TTC34: variants seen among roughly 807,000 people sequenced by gnomAD.
TTC34 encodes the protein tetratricopeptide repeat domain 34.
Under a neutral mutation model 40.7 loss-of-function variants are expected in TTC34, and 44 were observed. That is an observed-to-expected ratio of 1.08 (90% confidence interval 0.85 to 1.39). The LOEUF is 1.39. Ranked by LOEUF, TTC34 falls within the 40% of genes most tolerant of loss-of-function variation. TTC34 has a pLI of 0.00. For synonymous variants in TTC34, 422 were observed against 398.6 expected (o/e 1.06, Z -0.70); for missense variants, 884 against 838.0 (o/e 1.05, Z -0.68).
intron 6 of TTC34, among the ~76,000 whole-genome samples, chr1:2,649,681 AG>A (rs2100209004): frequency 6.6e-6 from 1 of 152,294 alleles, no homozygotes; most frequent in South Asian, 2.1e-4. Context: ...CTGCGACTAC[AG>A]GCTGATTTTT....
chr1:2,644,553 G>A (rs1638980797), intron 7 of TTC34, 75 bp from the exon 8 acceptor site: 6 of 1,403,810 alleles, frequency 4.3e-6, no homozygotes, highest in Non-Finnish European at 4.8e-6. Context: ...CTCGCTGGCC[G>A]CTCCTTCCCT....
In TTC34 at chr1:2,750,783, G is replaced by A. The variant is rs1204285038; in HGVS notation, c.2226+32826C>T. 1.7e-5 allele frequency among the ~76,000 whole-genome samples: 2 copies of A among 120,172 alleles called. 1 individual carries two copies. The highest frequency in any genetic ancestry group is 5.9e-4 in the South Asian group (2 of 3,400). The allele number at this position is 120,172 out of a possible 152,430, so 78.8% of individuals were successfully genotyped here. A position where few individuals can be genotyped will look rare whatever the true frequency, so the allele number is the denominator to read the frequency against. On this transcript the variant is annotated intron_variant, in intron 6 of 8. Transcript: ENST00000401095. ...CACGCATAAACACAGGTGAACATCGGAGAGTCTGGAGCAGCGCCCACACCC... is the reference window on the plus strand; with the variant it reads ...CACGCATAAACACAGGTGAACATCGAAGAGTCTGGAGCAGCGCCCACACCC...
chr1:2,765,730 C>G (rs1199459863), intron 6 of TTC34, among the ~76,000 whole-genome samples: 2 of 48,058 alleles, frequency 4.2e-5, no homozygotes, highest in African/African-American at 2.2e-4. Context: ...AGGCGAGCAT[C>G]TGACAGCCTG....
At chr1:2,758,884 T>C (rs1192931132) in intron 6 of TTC34, among the ~76,000 whole-genome samples, 120 of 1,784 alleles carry the variant, frequency 0.067, no homozygotes, top group Non-Finnish European at 0.078. Flanking sequence ...CACCCCCAGG[T>C]GAGCAGCTGA....
intron 6 of TTC34, among the ~76,000 whole-genome samples, chr1:2,694,553 AC>A (rs1640773257): frequency 1.7e-5 from 1 of 57,850 alleles, no homozygotes; most frequent in Non-Finnish European, 3.5e-5. Flanking sequence ...CCCCACACCC[AC>A]AGGTGAGCAT....
chr1:2,793,981 A>C (rs1643688221), intron 2 of TTC34, among the ~76,000 whole-genome samples: 1 of 151,066 alleles, frequency 6.6e-6, no homozygotes, highest in African/African-American at 2.4e-5. Context: ...TGGACAGTGA[A>C]TATCTCTCCA....
Position 2,645,407 on chromosome 1 carries a change from G to T in TTC34, c.2383C>A (p.Pro795Thr), listed in dbSNP as rs1196034509. 2.6e-6 allele frequency: 4 copies of T among 1,535,694 alleles called. No homozygotes were observed. The highest frequency in any genetic ancestry group is 1.7e-6 in the Non-Finnish European group (2 of 1,146,746). Residue 795 changes from proline to threonine, a missense_variant, in exon 7 of 9, where the codon CCT (proline) becomes ACT (threonine). Pro to Thr is a conservative substitution (Grantham distance 38). Coordinates refer to ENST00000401095, the Ensembl canonical transcript of TTC34. This position sits in a 1 kb window ranked among gnomAD's most constrained non-coding sequence, Gnocchi z 4.7. ...CCCTGGGTGTCCTTGTCCTCGAGAGGGGCCCCAGTGTCTGGCAGCTGGCTC... is the reference window on the plus strand; with the variant it reads ...CCCTGGGTGTCCTTGTCCTCGAGAGTGGCCCCAGTGTCTGGCAGCTGGCTC...
At chr1:2,644,854 G>C (rs1638986829) in intron 7 of TTC34, among the ~76,000 whole-genome samples, 1 of 152,194 alleles carries the variant, frequency 6.6e-6, no homozygotes, top group African/African-American at 2.4e-5. Context: ...TTTGGAATTA[G>C]TGGTGAAGTG....
chr1:2,754,753 G>T (rs1421854274), intron 6 of TTC34, among the ~76,000 whole-genome samples: 1 of 112,520 alleles, frequency 8.9e-6, no homozygotes, highest in African/African-American at 4.4e-5. Context: ...AGGTGCGCAT[G>T]TGATGGTCTG....
intron 6 of TTC34, among the ~76,000 whole-genome samples, chr1:2,691,613 G>C (rs1174192782): frequency 9.9e-6 from 1 of 100,504 alleles, no homozygotes; most frequent in African/African-American, 3.4e-5. Flanking sequence ...GCCTGGAACA[G>C]CACCCTGCAC....
chr1:2,684,711 C>CCTG (rs1640241658), intron 6 of TTC34, among the ~76,000 whole-genome samples: 2 of 113,796 alleles, frequency 1.8e-5, no homozygotes. Context: ...GGAACGGCAA[C>CCTG]CACACCCCCA....
Position 2,687,985 on chromosome 1 carries a change from C to A in TTC34, c.2227-42422G>T, listed in dbSNP as rs542040097. On this transcript the variant is annotated intron_variant, in intron 6 of 8. Coordinates refer to ENST00000401095, the Ensembl canonical transcript of TTC34. The stretch of plus-strand genomic sequence containing the variant: ...CGCGCACCCCCAGGAGAGCATCTGA[C>A]AGCCTGGAACAGGACCCACACCCCC... Among the ~76,000 whole-genome samples the A allele has an allele frequency of 7.5e-5, 7 of 92,788 alleles. No individual in the cohort carries two copies. In the East Asian group the frequency reaches 1.8e-3, roughly 24 times the overall value. The allele number at this position is 92,788 out of a possible 152,430, so 60.9% of individuals were successfully genotyped here. A position where few individuals can be genotyped will look rare whatever the true frequency, so the allele number is the denominator to read the frequency against.
At chr1:2,683,695 C>A (rs78125432) in intron 6 of TTC34, among the ~76,000 whole-genome samples, 723 of 145,070 alleles carry the variant, frequency 5.0e-3, no homozygotes, top group African/African-American at 0.019. Context: ...GATCTGACAG[C>A]CTGGAACAGC....
chr1:2,675,201 C>A (rs1172550817), intron 6 of TTC34, among the ~76,000 whole-genome samples: 10 of 146,896 alleles, frequency 6.8e-5, no homozygotes, highest in South Asian at 2.2e-4. Context: ...GCACCGACAA[C>A]CCCAGGTGAG....
chr1:2,684,808 C>A (rs1405853630), intron 6 of TTC34, among the ~76,000 whole-genome samples: 1 of 105,804 alleles, frequency 9.5e-6, no homozygotes, highest in Non-Finnish European at 1.8e-5. Flanking sequence ...CCCAGGTGAG[C>A]ATCTGACATC....
At chr1:2,752,892 C>T (rs1641371418) in intron 6 of TTC34, among the ~76,000 whole-genome samples, 62 of 143,186 alleles carry the variant, frequency 4.3e-4, no homozygotes, top group East Asian at 1.6e-3. Flanking sequence ...ACGGCACCCA[C>T]ACCCCCAGGT....
At position 2,752,310 on chromosome 1, in the gene TTC34, A is replaced by G. The variant is rs1255820582; in HGVS notation, c.2226+31299T>C. ...TTGCACCCCCAGGGGAGCATCTGAC[A>G]GCCTGGAACAGCACGCACACCCCCA... On this transcript the variant is annotated intron_variant, in intron 6 of 8. Transcript: ENST00000401095. 4.2e-5 allele frequency among the ~76,000 whole-genome samples: 5 copies of G among 117,778 alleles called. 1 individual carries two copies. Among genetic ancestry groups the G allele is most frequent in the African/African-American group, 1.9e-4 (5 of 26,612 alleles). 77.3% of individuals were successfully genotyped at this position (117,778 alleles called of 152,430 possible).
intron 2 of TTC34, among the ~76,000 whole-genome samples, chr1:2,797,599 G>T (rs1643721044): frequency 6.6e-6 from 1 of 152,172 alleles, no homozygotes. Flanking sequence ...TGCTGTGCAT[G>T]TTTACTGAAT....
intron 6 of TTC34, among the ~76,000 whole-genome samples, chr1:2,767,772 G>C (rs938796131): frequency 5.4e-5 from 8 of 148,558 alleles, no homozygotes; most frequent in South Asian, 2.2e-4. Context: ...TGCACCCCCA[G>C]TTGAGCATCT....
Sources: gnomAD v4.1 joint callset for allele counts (sites outside exome capture counted in the v4.1 genomes callset) on GRCh38, gnomAD v4.1.1 for gene constraint, Gnocchi (gnomAD v3.1) non-coding constraint, MANE v1.5 for transcripts, NCBI Gene and HGNC (gene_info 2026-07-23, HGNC 2026-07-21) for gene names.